The following TMPRSS9 variants were observed in gnomAD, a reference collection of about 807,000 sequenced individuals.
TMPRSS9 encodes the protein transmembrane protease serine 9.
A neutral mutation model predicts 111.4 loss-of-function variants in TMPRSS9; 113 were observed. That is an observed-to-expected ratio of 1.01 (90% CI 0.87 to 1.19). The LOEUF (loss-of-function observed/expected upper bound fraction) is 1.19, where lower values mean the gene tolerates loss of function less well. Ranked by LOEUF, TMPRSS9 falls within the 50% of genes most tolerant of loss-of-function variation. The pLI is 0.00. For missense variants in TMPRSS9, 1,803 were observed against 1,513.1 expected (o/e 1.19, Z -3.18); for synonymous variants, 805 against 659.1 (o/e 1.22, Z -3.39).
intron 6 of TMPRSS9, among the ~76,000 whole-genome samples, chr19:2,404,801 G>A (rs1042501513): frequency 6.0e-5 from 9 of 150,480 alleles, no homozygotes; most frequent in East Asian, 2.0e-4. Flanking sequence ...GTGTGGTGGC[G>A]GGTGCCTGTA....
At chr19:2,379,593 A>G (rs1051040617) in intron 1 of TMPRSS9, among the ~76,000 whole-genome samples, 2 of 145,014 alleles carry the variant, frequency 1.4e-5, no homozygotes, top group Non-Finnish European at 3.0e-5. Context: ...AGGCCCTGAC[A>G]TTCCCTAAAC....
chr19:2,407,992 C>T (rs1301558819), intron 7 of TMPRSS9, among the ~76,000 whole-genome samples: 1 of 152,042 alleles, frequency 6.6e-6, no homozygotes, highest in Non-Finnish European at 1.5e-5. Context: ...CCATCTTGGC[C>T]AGGCTGGTCT....
At chr19:2,387,602 C>G (rs1322903847), upstream of TMPRSS9, among the ~76,000 whole-genome samples, 1 of 151,842 alleles carries the variant, frequency 6.6e-6, no homozygotes, top group African/African-American at 2.4e-5. Context: ...GGAAAATGAG[C>G]ATGGCGTGGT....
chr19:2,406,441 C>T (rs1313244788), intron 7 of TMPRSS9, among the ~76,000 whole-genome samples: 1 of 152,056 alleles, frequency 6.6e-6, no homozygotes, highest in African/African-American at 2.4e-5. Context: ...ATTCTCTTGC[C>T]TCAGCCTCCC....
exon 13 of TMPRSS9, chr19:2,418,118 G>A (rs1283130714): frequency 6.2e-7 from 1 of 1,612,064 alleles, no homozygotes; most frequent in Non-Finnish European, 8.5e-7. Context: ...CTTCCTGGAA[G>A]GCAAAGTCGA....
At chr19:2,391,237 C>CAAAAAAAAAAAA (rs10650164) in intron 1 of TMPRSS9, among the ~76,000 whole-genome samples, 808 of 52,986 alleles carry the variant, frequency 0.015, 166 homozygotes, top group African/African-American at 0.081. Flanking sequence ...AATTCCATCT[C>CAAAAAAAAAAAA]AAAAAAAAAA....
chr19:2,392,520 A>G (rs1970618700), intron 1 of TMPRSS9, among the ~76,000 whole-genome samples: 1 of 152,248 alleles, frequency 6.6e-6, no homozygotes, highest in Non-Finnish European at 1.5e-5. Context: ...CAGCCTGGTA[A>G]CATGGTGAAA....
At position 2,416,827 on chromosome 19, in the gene TMPRSS9, G is replaced by A. The variant is rs199799508; in HGVS notation, c.2017+18G>A. The stretch of plus-strand genomic sequence containing the variant: ...AGGAAATGGTGAGCGCTGCCCCATC[G>A]AGGGGAACGGTGGATTTATTCTCCA... On this transcript the variant is annotated intron_variant, in intron 12 of 17. Coordinates refer to ENST00000648592, the Ensembl canonical transcript of TMPRSS9. The A allele has an allele frequency of 3.8e-5, 60 of 1,588,978 alleles. No individual in the cohort carries two copies. The East Asian group carries it at 1.1e-3, about 29-fold the overall frequency.
chr19:2,391,259 A>AAAAAAAAAT (rs1970585440), intron 1 of TMPRSS9, among the ~76,000 whole-genome samples: 1 of 150,088 alleles, frequency 6.7e-6, no homozygotes, highest in African/African-American at 2.5e-5. Flanking sequence ...AAAAAAAAAA[A>AAAAAAAAAT]GTTAATTTTA....
chr19:2,364,096 C>A (rs533125028), intron 1 of TMPRSS9, among the ~76,000 whole-genome samples: 1 of 151,996 alleles, frequency 6.6e-6, no homozygotes, highest in African/African-American at 2.4e-5. Context: ...ATGGGAGGAT[C>A]GCTTGAGCCC....
upstream of TMPRSS9, among the ~76,000 whole-genome samples, chr19:2,386,519 C>A (rs562437029): frequency 1.8e-4 from 27 of 150,346 alleles, no homozygotes; most frequent in East Asian, 4.0e-4. Context: ...AAAAAAAAAC[C>A]AAAAAAACAA....
rs1161902309 is a variant in TMPRSS9, at chr19:2,416,730, C to A, written c.1938C>A (p.Cys646Ter). 1 of 1,613,202 alleles carries A rather than the reference C, an allele frequency of 6.2e-7. No individual in the cohort carries two copies. Among genetic ancestry groups the A allele is most frequent in the Admixed American group, 1.7e-5 (1 of 60,016 alleles). Residue 646 changes from cysteine (C) to a stop codon, truncating the protein, a stop_gained, in exon 12 of 18, where the codon TGC becomes TGA. Coordinates refer to ENST00000648592, the Ensembl canonical transcript of TMPRSS9. LOFTEE classifies it high-confidence loss of function. ...TCAACAAATACATCCAGCCTGTCTG[C>A]CTGCCCCTGGCCATCCAGAAGTTCC...
chr19:2,384,418 G>T (rs1970429057), intron 1 of TMPRSS9, among the ~76,000 whole-genome samples: 1 of 152,194 alleles, frequency 6.6e-6, no homozygotes, highest in African/African-American at 2.4e-5. Context: ...GCTCCCGCCT[G>T]TAATCCCAGC....
chr19:2,381,342 T>C (rs1970383153), intron 1 of TMPRSS9, among the ~76,000 whole-genome samples: 1 of 151,582 alleles, frequency 6.6e-6, no homozygotes, highest in Non-Finnish European at 1.5e-5. Context: ...TGGGGTTGAA[T>C]GAACACTGTG....
chr19:2,416,447 GC>G (rs1400094076), intron 11 of TMPRSS9, 90 bp from the exon 13 acceptor site: 2 of 1,501,646 alleles, frequency 1.3e-6, no homozygotes, highest in South Asian at 1.3e-5. Flanking sequence ...GCCCTGTGTG[GC>G]TTCCTGGGGG....
chr19:2,369,301 G>T (rs1292170099), intron 1 of TMPRSS9, among the ~76,000 whole-genome samples: 2 of 152,188 alleles, frequency 1.3e-5, no homozygotes, highest in Admixed American at 1.3e-4. Context: ...AAGTGGAGCT[G>T]CTGTCTGAGC....
intron 2 of TMPRSS9, 49 bp from the exon 4 acceptor site, chr19:2,398,746 G>A: frequency 7.6e-7 from 1 of 1,315,282 alleles, no homozygotes; most frequent in Non-Finnish European, 1.0e-6. Context: ...CAGTGCCAGG[G>A]TGCCCATGCT....
Position 2,384,014 on chromosome 19 carries a change from C to G in TMPRSS9, c.-25-5747C>G, listed in dbSNP as rs145535111. ...CGGTGTTCTGTATCTTATCTGCCCA[C>G]CGAGGCCTGGTTTTCATCCCCACGG... On this transcript the variant is annotated intron_variant, in intron 1 of 17. Coordinates refer to the TMPRSS9 transcript ENST00000649857. Among the ~76,000 whole-genome samples, 702 of 152,206 alleles carry G rather than the reference C, an allele frequency of 4.6e-3. 2 individuals carry two copies. The highest frequency in any genetic ancestry group is 0.017 in the Middle Eastern group (5 of 294).
Position 2,408,340 on chromosome 19 carries a change from G to C in TMPRSS9, c.843-16G>C. 6.2e-7 allele frequency: 1 copy of C among 1,607,802 alleles called. No individual in the cohort carries two copies. Among genetic ancestry groups the C allele is most frequent in the South Asian group, 1.1e-5 (1 of 90,938 alleles). On this transcript the variant is annotated splice_polypyrimidine_tract_variant and intron_variant, in intron 7 of 17. Transcript: ENST00000648592. ...CTGACCCTCGGTGGCTTCTGAGCTG[G>C]GGTTTGCTCCTGCAGGTTCCAAGAC...
Sources: allele counts gnomAD v4.1 joint callset (sites outside exome capture counted in the v4.1 genomes callset), GRCh38; gene constraint gnomAD v4.1.1; transcripts MANE v1.5; gene names NCBI Gene and HGNC (gene_info 2026-07-23, HGNC 2026-07-21).